RFC5: variants seen among roughly 807,000 people sequenced by gnomAD.
RFC5 encodes the protein replication factor C subunit 5, also known as A1 36 kDa subunit.
A neutral mutation model predicts 44.3 loss-of-function variants in RFC5; 26 were observed. The ratio of observed to expected loss-of-function variants is 0.59; its 90% CI spans 0.43 to 0.81. The LOEUF (loss-of-function observed/expected upper bound fraction) is 0.81. Ranked by LOEUF, RFC5 falls within the 40% of genes least tolerant of loss-of-function variation. RFC5 has a pLI of 0.00. For synonymous variants in RFC5, 155 were observed against 155.2 expected (o/e 1.00, Z 0.01); for missense variants, 328 against 418.6 (o/e 0.78, Z 1.89).
At chr12:118,041,407 A>G in the RFC5 span, among the ~76,000 whole-genome samples, 1 of 152,188 alleles carries the variant, frequency 6.6e-6, no homozygotes, top group Non-Finnish European at 1.5e-5. Flanking sequence ...GGACTCCCCA[A>G]CCTTCAGAAC....
At chr12:118,022,248 T>C in intron 4 of RFC5, 38 bp from the exon 5 acceptor site, 2 of 1,518,754 alleles carry the variant, frequency 1.3e-6, no homozygotes, top group Non-Finnish European at 9.1e-7. Context: ...TGAGATGAGA[T>C]TGAAGAAATC....
rs2030318670 is a variant in RFC5 at position 118,019,229 on chromosome 12, G to C, written c.130+93G>C. ...GTCTCTCCTAAGTAATAACTTCAAA[G>C]AATCTGATTGCGCTTTGTAGAATGT... is the stretch of plus-strand genomic sequence containing the variant. On this transcript the variant is annotated intron_variant, in intron 2 of 10. Coordinates refer to ENST00000454402, the MANE Select transcript of RFC5 (RefSeq NM_007370.7). The surrounding 1 kb of genome is among the most constrained non-coding windows in gnomAD (Gnocchi z 4.2). 1.1e-6 allele frequency: 1 copy of C among 900,186 alleles called. No individual in the cohort carries two copies. Among genetic ancestry groups the C allele is most frequent in the African/African-American group, 1.6e-5 (1 of 61,294 alleles). The allele number at this position is 900,186 out of a possible 1,614,324, so 55.8% of individuals were successfully genotyped here. A position where few individuals can be genotyped will look rare whatever the true frequency, so the allele number is the denominator to read the frequency against.
chr12:118,030,133 A>G (rs2031220193), intron 10 of RFC5, among the ~76,000 whole-genome samples: 2 of 152,116 alleles, frequency 1.3e-5, no homozygotes, highest in Admixed American at 1.3e-4. Context: ...CTTTGCTTCA[A>G]CCACCCAGCT....
the RFC5 span, chr12:118,038,216 C>T: frequency 1.4e-6 from 2 of 1,443,668 alleles, no homozygotes; most frequent in Admixed American, 2.4e-5. Context: ...TTTGAGAACA[C>T]TCACACACAC....
At chr12:118,038,439 G>A in the RFC5 span, 1 of 1,573,404 alleles carries the variant, frequency 6.4e-7, no homozygotes. Flanking sequence ...AAAGCAGGAA[G>A]ACTGGAGAAC....
chr12:118,022,633 T>A (rs2030592603), intron 5 of RFC5, among the ~76,000 whole-genome samples: 1 of 151,854 alleles, frequency 6.6e-6, no homozygotes, highest in African/African-American at 2.4e-5. Flanking sequence ...CCCGGCTGAT[T>A]TTTATATTTT....
chr12:118,024,781 C>G, intron 5 of RFC5, 70 bp from the exon 6 acceptor site: 4 of 1,368,760 alleles, frequency 2.9e-6, no homozygotes, highest in Non-Finnish European at 4.0e-6. Context: ...CAGAAAAATT[C>G]AAGTTTTCTG....
chr12:118,038,247 C>G, the RFC5 span: 2 of 1,583,076 alleles, frequency 1.3e-6, no homozygotes, highest in South Asian at 2.3e-5. Flanking sequence ...CTTCAGACCT[C>G]CATGTCTCAG....
At chr12:118,039,664 C>T in the RFC5 span, among the ~76,000 whole-genome samples, 4 of 152,228 alleles carry the variant, frequency 2.6e-5, no homozygotes, top group East Asian at 3.9e-4. Flanking sequence ...AATTGTTATA[C>T]GCCTGTACAT....
At chr12:118,034,574 G>GCGCTCT (rs1555267392), downstream of RFC5, 6 of 529,494 alleles carry the variant, frequency 1.1e-5, no homozygotes, top group African/African-American at 1.2e-4. Context: ...ATACCAAAGC[G>GCGCTCT]CTCTCTCTGT....
chr12:118,028,909 G>A (rs2031137407), intron 9 of RFC5, among the ~76,000 whole-genome samples: 2 of 152,160 alleles, frequency 1.3e-5, no homozygotes. Context: ...GTAGGCTTTC[G>A]GAGAAGCTCT....
intron 3 of RFC5, 49 bp from the exon 4 acceptor site, chr12:118,020,857 A>G (rs1194282565): frequency 2.4e-6 from 3 of 1,239,126 alleles, no homozygotes; most frequent in Admixed American, 1.7e-5. Context: ...GAACTCACAG[A>G]TAGCACAGCA....
intron 5 of RFC5, among the ~76,000 whole-genome samples, chr12:118,024,460 C>G (rs1160396271): frequency 6.6e-6 from 1 of 151,996 alleles, no homozygotes; most frequent in South Asian, 2.1e-4. Context: ...GAGTCTCACT[C>G]TGTTGCCCAC....
intron 5 of RFC5, 132 bp downstream of exon 5, chr12:118,022,491 G>T: frequency 1.6e-6 from 1 of 624,748 alleles, no homozygotes. Context: ...TTGAGTCAGA[G>T]TCTTGCTCTG....
chr12:118,039,673 A>G, the RFC5 span, among the ~76,000 whole-genome samples: 7 of 152,184 alleles, frequency 4.6e-5, no homozygotes, highest in African/African-American at 1.7e-4. Flanking sequence ...ACGCCTGTAC[A>G]TGGTCATATA....
chr12:118,020,100 T>C (rs1336833023), intron 3 of RFC5, among the ~76,000 whole-genome samples: 2 of 152,214 alleles, frequency 1.3e-5, no homozygotes, highest in Admixed American at 6.5e-5. Flanking sequence ...TATTCCTGCC[T>C]GGAAGGCTGA....
rs1044378825 is a variant in RFC5 at position 118,019,655 on chromosome 12, C to T, written c.154C>T (p.Arg52Ter). The stretch of plus-strand genomic sequence containing the variant: ...AGTTCAGAAGTTTATCAATGAAGAC[C>T]GACTGCCACACTTGCTTCTCTACGG... ...STIQKFINED[R>*]LPHLLLYGPP... is the part of the protein sequence containing the mutation. Residue 52 changes from arginine (R) to a stop codon, truncating the protein, a stop_gained, in exon 3 of 11, where the codon CGA (arginine) becomes TGA (stop). Coordinates refer to ENST00000454402, the MANE Select transcript of RFC5 (RefSeq NM_007370.7). LOFTEE classifies it high-confidence loss of function. This position sits in a 1 kb window ranked among gnomAD's most constrained non-coding sequence, Gnocchi z 4.2. The T allele has an allele frequency of 1.9e-6, 3 of 1,613,886 alleles. No individual in the cohort carries two copies. The highest frequency in any genetic ancestry group is 8.5e-7 in the Non-Finnish European group (1 of 1,179,938).
chr12:118,022,463 G>T (rs776823526), intron 5 of RFC5, 104 bp downstream of exon 5: 8 of 829,382 alleles, frequency 9.6e-6, no homozygotes, highest in African/African-American at 1.7e-5. Flanking sequence ...AGGCGGGGGG[G>T]AGTTTTTTTT....
At chr12:118,035,469 T>A (rs1041256194), downstream of RFC5, 1 of 678,342 alleles carries the variant, frequency 1.5e-6, no homozygotes, top group Non-Finnish European at 2.5e-6. Flanking sequence ...AGCTTGGGAT[T>A]TGCACACTGG....
Sources: allele counts gnomAD v4.1 joint callset (sites outside exome capture counted in the v4.1 genomes callset), GRCh38; gene constraint gnomAD v4.1.1; non-coding constraint Gnocchi (gnomAD v3.1); transcripts MANE v1.5; gene names NCBI Gene and HGNC (gene_info 2026-07-23, HGNC 2026-07-21).